The following CILP variants were observed in gnomAD, a reference collection of about 807,000 sequenced individuals.
CILP encodes cartilage intermediate layer protein, also known as cartilage intermediate layer protein 1.
CILP carries 75 observed loss-of-function variants against 82.5 expected under a neutral mutation model. That is an observed-to-expected ratio of 0.91 (90% confidence interval 0.75 to 1.10). The LOEUF is 1.10. Among genes scored for constraint, CILP ranks in the 50% least tolerant of loss-of-function variants. CILP has a pLI of 0.00. For missense variants in CILP, 1,479 were observed against 1,530.8 expected (o/e 0.97, Z 0.56); for synonymous variants, 530 against 580.3 (o/e 0.91, Z 1.25).
intron 5 of CILP, 33 bp from the exon 6 acceptor site, chr15:65,204,615 C>T (rs1255538171): frequency 1.3e-6 from 2 of 1,562,706 alleles, no homozygotes; most frequent in Non-Finnish European, 1.7e-6. Flanking sequence ...AGCAGGGATT[C>T]TATGGATTCT....
In CILP at chr15:65,206,873, A is replaced by C. The variant is rs144542243; in HGVS notation, c.333T>G (p.Gly111=). The C allele has an allele frequency of 1.2e-6, 2 of 1,614,000 alleles. No individual in the cohort carries two copies. Among genetic ancestry groups the C allele is most frequent in the Non-Finnish European group, 1.7e-6 (2 of 1,180,002 alleles). Residue 111 remains glycine (G), a synonymous_variant, in exon 4 of 9, where the codon GGT becomes GGG. Coordinates refer to ENST00000261883, the MANE Select transcript of CILP (RefSeq NM_003613.4). ...GGCACCAGAAACCCTCACGGGGACT[A>C]CCATGGACCACCTGGCCAGTGCTGC... is the stretch of plus-strand genomic sequence containing the variant. ...PAGSTGQVVH[G]SPREGFWCLN... is the part of the protein sequence containing the mutation.
intron 4 of CILP, among the ~76,000 whole-genome samples, chr15:65,206,073 T>A (rs539003762): frequency 4.1e-4 from 62 of 152,222 alleles, no homozygotes; most frequent in Non-Finnish European, 6.9e-4. Flanking sequence ...AACATCTGTA[T>A]TATCCATGGT....
chr15:65,197,033 G>A lies in CILP; in HGVS notation c.3253C>T (p.Arg1085Cys), dbSNP rs749557071. ...CCGAGCGCGATCTCCTTGGCCGTGC[G>A]AGGGTCCTGGTCAGTGACAGTGTAG... is the stretch of plus-strand genomic sequence containing the variant. ...GIYTVTDQDP[R>C]TAKEIALGRC... Residue 1085 changes from arginine to cysteine, a missense_variant, in exon 9 of 9, where the codon CGC becomes TGC. Physicochemically the swap from Arg to Cys is radical, Grantham distance 180. Coordinates refer to ENST00000261883, the MANE Select transcript of CILP (RefSeq NM_003613.4). 17 of 1,614,082 alleles carry A rather than the reference G, an allele frequency of 1.1e-5. No homozygotes were observed. The highest frequency in any genetic ancestry group is 3.3e-5 in the South Asian group (3 of 91,090).
Position 65,198,815 on chromosome 15 carries a change from T to C in CILP, c.1471A>G (p.Ile491Val), listed in dbSNP as rs2088414495. The change falls in exon 9 of 9, where the codon ATC becomes GTC. Residue 491 changes from isoleucine (I) to valine (V), a missense_variant. Transcript: ENST00000261883. Reference protein sequence around the residue: ...SCQRCTETRSIVRGRVSAADN... With the variant: ...SCQRCTETRSVVRGRVSAADN... Reference sequence around the variant, plus strand: ...GCAGCACTGACACGGCCCCGCACGATGCTCCGAGTTTCCGTACACCGCTGG... The same window carrying C: ...GCAGCACTGACACGGCCCCGCACGACGCTCCGAGTTTCCGTACACCGCTGG... 1 of 1,614,170 alleles carries C rather than the reference T, an allele frequency of 6.2e-7. No individual in the cohort carries two copies. Among genetic ancestry groups the C allele is most frequent in the East Asian group, 2.2e-5 (1 of 44,878 alleles).
At chr15:65,203,825 A>G (rs1252093072) in intron 6 of CILP, among the ~76,000 whole-genome samples, 1 of 152,260 alleles carries the variant, frequency 6.6e-6, no homozygotes, top group Non-Finnish European at 1.5e-5. Flanking sequence ...TTTTCTGGCC[A>G]TCCTGCACCA....
rs147788917 is a variant in CILP at position 65,198,986 on chromosome 15, C to A, written c.1300G>T (p.Val434Phe). Reference protein sequence around the residue: ...SFYYDVGRCPVKTCAGQQDNG... With the variant: ...SFYYDVGRCPFKTCAGQQDNG... ...TCCTGCTGCCCTGCACAAGTCTTAA[C>A]AGGGCAGCGTCCCACGTCATAGTAG... Residue 434 changes from valine to phenylalanine, a missense_variant, in exon 9 of 9, where the codon GTT (valine) becomes TTT (phenylalanine). Coordinates refer to ENST00000261883, the MANE Select transcript of CILP (RefSeq NM_003613.4). 18 of 1,612,862 alleles carry A rather than the reference C, an allele frequency of 1.1e-5. No homozygotes were observed. Among genetic ancestry groups the A allele is most frequent in the Non-Finnish European group, 1.5e-5 (18 of 1,180,028 alleles).
In CILP at chr15:65,207,535, G is replaced by C. The variant is rs919527584; in HGVS notation, c.154+137C>G. The C allele has an allele frequency of 6.4e-5, 45 of 700,972 alleles. No individual in the cohort carries two copies. The East Asian group carries it at 1.2e-3, about 18-fold the overall frequency. The allele number at this position is 700,972 out of a possible 1,614,324, so 43.4% of individuals were successfully genotyped here. ...TCTTATATACTAAGTTCCTTGGCTG[G>C]ACAGAGATGGAGGCCAAATGCTTGT... On this transcript the variant is annotated intron_variant, in intron 3 of 8. Coordinates refer to ENST00000261883, the MANE Select transcript of CILP (RefSeq NM_003613.4).
intron 8 of CILP, 121 bp downstream of exon 8, chr15:65,201,747 AAAAG>A (rs1555416025): frequency 1.0e-5 from 4 of 392,340 alleles, no homozygotes; most frequent in Admixed American, 5.8e-5. Flanking sequence ...AAAAAAAAAA[AAAAG>A]AAAGAAAGAA....
chr15:65,195,592 T>C lies in CILP; in HGVS notation c.*1139A>G, dbSNP rs2088351666. The C allele has an allele frequency of 6.6e-6, 1 of 152,070 alleles. No individual in the cohort carries two copies. The highest frequency in any genetic ancestry group is 2.4e-5 in the African/African-American group (1 of 41,378). The allele number at this position is 152,070 out of a possible 1,614,324, so 9.4% of individuals were successfully genotyped here. On this transcript the variant is annotated 3_prime_UTR_variant, in exon 9 of 9. Transcript: ENST00000261883. ...AAAGTTGAACATCTTTAGAAGAGCA[T>C]AAAGAAAAAAGTAAAAGCCCATTTC...
At chr15:65,209,564 A>G (rs1595962047) in intron 2 of CILP, 131 bp downstream of exon 2, 2 of 733,700 alleles carry the variant, frequency 2.7e-6, no homozygotes, top group East Asian at 5.1e-5. Context: ...TTACGAATAA[A>G]TCCATAAAGT....
At chr15:65,207,556 C>T in intron 3 of CILP, 116 bp downstream of exon 3, 1 of 829,378 alleles carries the variant, frequency 1.2e-6, no homozygotes, top group Non-Finnish European at 2.0e-6. Context: ...AGGCCAAATG[C>T]TTGTAAAAGT....
rs769023414 is a variant in CILP at position 65,196,985 on chromosome 15, C to T, written c.3301G>A (p.Asp1101Asn). 141 of 1,613,988 alleles carry T rather than the reference C, an allele frequency of 8.7e-5. No individual in the cohort carries two copies. In the East Asian group the frequency reaches 3.0e-3, roughly 35 times the overall value. ...ALGRCFDGTS[D>N]GSSRIMKSNV... is the part of the protein sequence containing the mutation. ...CTCTTCATGATTCTGGAGGAGCCATCGGATGTGCCATCAAAGCACCGGCCG... is the reference window on the plus strand; with the variant it reads ...CTCTTCATGATTCTGGAGGAGCCATTGGATGTGCCATCAAAGCACCGGCCG... The change falls in exon 9 of 9, where the codon GAT becomes AAT. Residue 1101 changes from aspartate to asparagine, a missense_variant. Transcript: ENST00000261883.
chr15:65,204,425 G>T lies in CILP; in HGVS notation c.762C>A (p.Thr254=), dbSNP rs751162514. Residue 254 remains threonine (T), a synonymous_variant, in exon 6 of 9, where the codon ACC becomes ACA. Coordinates refer to ENST00000261883, the MANE Select transcript of CILP (RefSeq NM_003613.4). ...GGAATCTCCCATCACTGTCTGTCTG[G>T]GTCAGCAGCTTCGGCGTCTTGGTCA... is the stretch of plus-strand genomic sequence containing the variant. ...YLLTKTPKLL[T]QTDSDGRFRI... is the part of the protein sequence containing the mutation. The T allele has an allele frequency of 1.3e-5, 21 of 1,614,114 alleles. No individual in the cohort carries two copies. Among genetic ancestry groups the T allele is most frequent in the Non-Finnish European group, 1.8e-5 (21 of 1,180,008 alleles).
chr15:65,197,332 T>C lies in CILP; in HGVS notation c.2954A>G (p.Tyr985Cys). ...AGTGCTCCTCACATCTCGGATTCCA[T>C]ACAGCTTCCCCACTGTCTGCCGATG... ...GTHRQTVGKL[Y>C]GIRDVRSTRD... Residue 985 changes from tyrosine to cysteine, a missense_variant, in exon 9 of 9, where the codon TAT becomes TGT. Coordinates refer to ENST00000261883, the MANE Select transcript of CILP (RefSeq NM_003613.4). 2.5e-6 allele frequency: 4 copies of C among 1,614,154 alleles called. No individual in the cohort carries two copies. The highest frequency in any genetic ancestry group is 3.4e-6 in the Non-Finnish European group (4 of 1,180,026).
At chr15:65,199,153 G>C in intron 8 of CILP, 54 bp from the exon 9 acceptor site, 1 of 1,311,894 alleles carries the variant, frequency 7.6e-7, no homozygotes, top group Non-Finnish European at 1.1e-6. Flanking sequence ...CCTACACAAA[G>C]AGTACCTCAA....
At chr15:65,207,526 C>T (rs1595961025) in intron 3 of CILP, 146 bp downstream of exon 3, 1 of 676,692 alleles carries the variant, frequency 1.5e-6, no homozygotes, top group East Asian at 2.7e-5. Context: ...ATACTAAGTT[C>T]CTTGGCTGGA....
At chr15:65,209,955 G>T in intron 1 of CILP, 94 bp from the exon 2 acceptor site, 1 of 565,568 alleles carries the variant, frequency 1.8e-6, no homozygotes, top group Non-Finnish European at 3.2e-6. Context: ...GGAGGGAAAG[G>T]TGGACAGAAT....
rs1312746860 is a variant in CILP, at chr15:65,209,611, A to AGAT, written c.61+81_61+83dup. Reference sequence around the variant, plus strand: ...TTAAGGCCTTGCTGTGTCTTAAGGCAGATGCATAGTTCAGTCCCAGACCAG... The same window carrying AGAT: ...TTAAGGCCTTGCTGTGTCTTAAGGCAGATGATGCATAGTTCAGTCCCAGACCAG... On this transcript the variant is annotated intron_variant, in intron 2 of 8. Transcript: ENST00000261883. The AGAT allele has an allele frequency of 2.3e-6, 3 of 1,304,692 alleles. No individual in the cohort carries two copies. In the African/African-American group the frequency reaches 4.4e-5, roughly 19 times the overall value. The allele number at this position is 1,304,692 out of a possible 1,614,324, so 80.8% of individuals were successfully genotyped here. A position where few individuals can be genotyped will look rare whatever the true frequency, so the allele number is the denominator to read the frequency against.
At chr15:65,206,266 A>G (rs1313523018) in intron 4 of CILP, among the ~76,000 whole-genome samples, 1 of 152,204 alleles carries the variant, frequency 6.6e-6, no homozygotes, top group African/African-American at 2.4e-5. Flanking sequence ...CTAGCACAGT[A>G]TCTGGCACAT....
Sources: gnomAD v4.1 joint callset for allele counts (sites outside exome capture counted in the v4.1 genomes callset) on GRCh38, gnomAD v4.1.1 for gene constraint, MANE v1.5 for transcripts, NCBI Gene and HGNC (gene_info 2026-07-23, HGNC 2026-07-21) for gene names.